The following WIPF1 variants were observed in gnomAD, a reference collection of about 807,000 sequenced individuals.
The protein encoded by WIPF1 is WAS/WASL interacting protein family member 1.
A neutral mutation model predicts 35.4 loss-of-function variants in WIPF1; 13 were observed. The ratio of observed to expected loss-of-function variants is 0.37; its 90% CI spans 0.24 to 0.58. WIPF1 has a LOEUF of 0.58. Among genes scored for constraint, WIPF1 ranks in the 20% least tolerant of loss-of-function variants. WIPF1 has a pLI of 0.74. For missense variants in WIPF1, 591 were observed against 667.0 expected, an observed-to-expected ratio of 0.89 and a Z score of 1.25; for synonymous variants, 267 against 266.3, an observed-to-expected ratio of 1.00 and a Z score of -0.02.
chr2:174,654,015 T>C (rs1687594014), intron 1 of WIPF1, among the ~76,000 whole-genome samples: 2 of 152,190 alleles, frequency 1.3e-5, no homozygotes, highest in Non-Finnish European at 2.9e-5. Context: ...TTAGTAAATC[T>C]ATTTTTAAAA....
intron 1 of WIPF1, among the ~76,000 whole-genome samples, chr2:174,641,811 G>C (rs1687299688): frequency 1.3e-5 from 2 of 152,186 alleles, no homozygotes; most frequent in African/African-American, 4.8e-5. Flanking sequence ...CTTTGACATT[G>C]AGCTGAGTGC....
chr2:174,624,530 T>C (rs1231528029), intron 1 of WIPF1, among the ~76,000 whole-genome samples: 2 of 152,202 alleles, frequency 1.3e-5, no homozygotes, highest in African/African-American at 2.4e-5. Flanking sequence ...CAATCCAAAT[T>C]TGTCATCACC....
intron 1 of WIPF1, among the ~76,000 whole-genome samples, chr2:174,672,424 T>C (rs1307100849): frequency 6.6e-6 from 1 of 152,218 alleles, no homozygotes; most frequent in Non-Finnish European, 1.5e-5. Context: ...TTTCAGCTAA[T>C]ATTCCTTCTT....
chr2:174,658,653 A>G, intron 1 of WIPF1, among the ~76,000 whole-genome samples: 1 of 152,178 alleles, frequency 6.6e-6, no homozygotes, highest in East Asian at 1.9e-4. Flanking sequence ...GAATCTCATG[A>G]GCATCCCATT....
chr2:174,611,904 TA>T (rs1574834820), intron 1 of WIPF1, among the ~76,000 whole-genome samples: 2 of 152,246 alleles, frequency 1.3e-5, no homozygotes, highest in East Asian at 3.9e-4. Context: ...TAAATAACTT[TA>T]TTTTTTTTTG....
intron 1 of WIPF1, among the ~76,000 whole-genome samples, chr2:174,661,988 G>C (rs1308561204): frequency 6.6e-6 from 1 of 152,124 alleles, no homozygotes; most frequent in Non-Finnish European, 1.5e-5. Context: ...TGGGAGAGCA[G>C]AAGACTGTAT....
chr2:174,635,525 G>GTTTTTTTTTTTTTTTT (rs1179795195), intron 1 of WIPF1, among the ~76,000 whole-genome samples: 1 of 126,180 alleles, frequency 7.9e-6, no homozygotes, highest in African/African-American at 3.1e-5. Flanking sequence ...GGTGCCTTCT[G>GTTTTTTTTTTTTTTTT]TTTGTTTTTT....
intron 1 of WIPF1, among the ~76,000 whole-genome samples, chr2:174,588,074 A>C (rs1231359110): frequency 6.6e-6 from 1 of 152,222 alleles, no homozygotes; most frequent in African/African-American, 2.4e-5. Context: ...CGGCACATTC[A>C]GAGGCCTTGG....
chr2:174,682,646 C>T (rs967952069), intron 1 of WIPF1: 1 of 151,784 alleles, frequency 6.6e-6, no homozygotes, highest in Non-Finnish European at 1.5e-5. Flanking sequence ...TCCCCAGCCG[C>T]CCCACCCGCG....
At chr2:174,586,850 CA>C (rs1685440647) in intron 1 of WIPF1, among the ~76,000 whole-genome samples, 1 of 152,160 alleles carries the variant, frequency 6.6e-6, no homozygotes, top group Admixed American at 6.6e-5. Flanking sequence ...AGCATTTTAA[CA>C]AGATCCCTGG....
rs1485683266 is a variant in WIPF1, at chr2:174,594,595, G to C, written c.-39+3006C>G. Among the ~76,000 whole-genome samples the C allele has an allele frequency of 5.5e-5, 4 of 73,060 alleles. 1 individual carries two copies. Among genetic ancestry groups the C allele is most frequent in the Admixed American group, 2.9e-4 (2 of 7,010 alleles). The allele number at this position is 73,060 out of a possible 152,430, so 47.9% of individuals were successfully genotyped here. ...TCCCATACTTCCCATCTCTTTAAGGGGTTCAAATCTCCAAGCTAAAATCTG... is the reference window on the plus strand; with the variant it reads ...TCCCATACTTCCCATCTCTTTAAGGCGTTCAAATCTCCAAGCTAAAATCTG... On this transcript the variant is annotated intron_variant, in intron 1 of 7. Coordinates refer to ENST00000679041, the MANE Select transcript of WIPF1 (RefSeq NM_001375834.1).
At chr2:174,567,279 A>G in intron 6 of WIPF1, 96 bp from the exon 7 acceptor site, 2 of 1,144,312 alleles carry the variant, frequency 1.7e-6, no homozygotes, top group South Asian at 2.8e-5. Context: ...AGAGAACCAC[A>G]GACATCAGTG....
intron 1 of WIPF1, among the ~76,000 whole-genome samples, chr2:174,682,145 C>G (rs375882592): frequency 1.3e-5 from 2 of 152,234 alleles, no homozygotes; most frequent in South Asian, 2.1e-4. Flanking sequence ...CGTCCCCACT[C>G]CGGGCGAAAA....
chr2:174,630,141 C>T (rs545241312), intron 1 of WIPF1, among the ~76,000 whole-genome samples: 1 of 152,250 alleles, frequency 6.6e-6, no homozygotes, highest in East Asian at 1.9e-4. Flanking sequence ...GAACACATAT[C>T]CTACTATAAC....
At position 174,642,343 on chromosome 2, in the gene WIPF1, C is replaced by CTTTTTTT. The variant is rs780884199; in HGVS notation, c.-39+40424_-39+40430dup. ...TATCTTCATTACTTCCTTCCTCCAC[C>CTTTTTTT]TTTTTTTTTTTTTTTTTTTTTGAGA... On this transcript the variant is annotated intron_variant, in intron 1 of 8. Transcript: ENST00000272746. Among the ~76,000 whole-genome samples, 37 of 102,800 alleles carry CTTTTTTT rather than the reference C, an allele frequency of 3.6e-4. 1 individual carries two copies. The highest frequency in any genetic ancestry group is 1.0e-3 in the African/African-American group (26 of 25,996). 67.4% of individuals were successfully genotyped at this position (102,800 alleles called of 152,430 possible).
intron 1 of WIPF1, among the ~76,000 whole-genome samples, chr2:174,591,348 C>T (rs537910874): frequency 6.6e-6 from 1 of 152,160 alleles, no homozygotes; most frequent in Admixed American, 6.6e-5. Flanking sequence ...TGTCTATTAT[C>T]CATTGTGGAA....
At chr2:174,672,387 C>T (rs1366046447) in intron 1 of WIPF1, among the ~76,000 whole-genome samples, 1 of 152,166 alleles carries the variant, frequency 6.6e-6, no homozygotes, top group Non-Finnish European at 1.5e-5. Context: ...CAAAAAACAA[C>T]CTCGGTGCAA....
intron 1 of WIPF1, among the ~76,000 whole-genome samples, chr2:174,606,408 A>T (rs1263916830): frequency 1.3e-5 from 2 of 152,192 alleles, no homozygotes; most frequent in Admixed American, 6.5e-5. Context: ...TTTTCACAAG[A>T]AGTCTTCAGA....
In WIPF1 at chr2:174,561,049, T is replaced by A. The variant is rs1477037636; in HGVS notation, c.*1498A>T. The A allele has an allele frequency of 6.6e-6, 1 of 152,666 alleles. No individual in the cohort carries two copies. The highest frequency in any genetic ancestry group is 1.5e-5 in the Non-Finnish European group (1 of 68,046). The allele number at this position is 152,666 out of a possible 1,614,324, so 9.5% of individuals were successfully genotyped here. ...GTAAAATATCTAAGTGGAAATATTT[T>A]TTCCCAACTCTATAGCTAGATTTAA... On this transcript the variant is annotated 3_prime_UTR_variant, in exon 8 of 8. Coordinates refer to ENST00000679041, the MANE Select transcript of WIPF1 (RefSeq NM_001375834.1).
Sources: gnomAD v4.1 joint callset for allele counts (sites outside exome capture counted in the v4.1 genomes callset) on GRCh38, gnomAD v4.1.1 for gene constraint, MANE v1.5 for transcripts, NCBI Gene and HGNC (gene_info 2026-07-23, HGNC 2026-07-21) for gene names.